Variants in ST3GAL1 observed in about 807,000 individuals in gnomAD.
ST3GAL1 encodes the protein CMP-N-acetylneuraminate-beta-galactosamide-alpha-2,3-sialyltransferase 1.
In ST3GAL1, 16 loss-of-function variants were observed where a neutral mutation model predicts 34.1. That is an observed-to-expected ratio of 0.47 (90% CI 0.32 to 0.71). ST3GAL1 has a LOEUF of 0.71. ST3GAL1 is among the 30% of genes least tolerant of loss of function. The pLI, the probability that ST3GAL1 is intolerant of heterozygous loss-of-function variation, is 0.04. For synonymous variants in ST3GAL1, 191 were observed against 184.7 expected (o/e 1.03, Z -0.28); for missense variants, 353 against 447.4 (o/e 0.79, Z 1.90).
intron 3 of ST3GAL1, among the ~76,000 whole-genome samples, chr8:133,497,582 C>T (rs1486940609): frequency 6.7e-6 from 1 of 149,402 alleles, no homozygotes; most frequent in Admixed American, 6.9e-5. Context: ...AAGCAATTCT[C>T]CTGCCTCAGC....
intron 2 of ST3GAL1, among the ~76,000 whole-genome samples, chr8:133,518,365 A>T (rs1253957442): frequency 6.6e-6 from 1 of 152,248 alleles, no homozygotes; most frequent in African/African-American, 2.4e-5. Context: ...CTGCAGCTGC[A>T]GCCTCCTGTA....
intron 3 of ST3GAL1, among the ~76,000 whole-genome samples, chr8:133,493,279 AG>A (rs1563712421): frequency 6.6e-6 from 1 of 152,232 alleles, no homozygotes; most frequent in Non-Finnish European, 1.5e-5. Flanking sequence ...CAGTGATAAG[AG>A]GTGGGCCTTG....
chr8:133,559,366 TG>T (rs898238673), intron 1 of ST3GAL1, among the ~76,000 whole-genome samples: 1 of 152,232 alleles, frequency 6.6e-6, no homozygotes, highest in African/African-American at 2.4e-5. Context: ...GACCTTAGGT[TG>T]GAACCAGTTC....
chr8:133,510,090 G>T (rs924189989), intron 2 of ST3GAL1, among the ~76,000 whole-genome samples: 3 of 149,712 alleles, frequency 2.0e-5, no homozygotes, highest in African/African-American at 7.4e-5. Context: ...TAGCAATGGA[G>T]AATGGCTCTT....
intron 3 of ST3GAL1, among the ~76,000 whole-genome samples, chr8:133,485,291 C>T (rs1247455883): frequency 6.6e-6 from 1 of 152,232 alleles, no homozygotes; most frequent in Non-Finnish European, 1.5e-5. Context: ...AAGAGCCTTC[C>T]TTCCTCTGGC....
At chr8:133,516,741 G>A (rs2978055) in intron 2 of ST3GAL1, among the ~76,000 whole-genome samples, 7,398 of 152,260 alleles carry the variant, frequency 0.049, 239 homozygotes, top group Middle Eastern at 0.082. Flanking sequence ...CTGCAAGCTG[G>A]AACTGCTTAC....
Position 133,545,883 on chromosome 8 carries a change from T to G in ST3GAL1, c.-538A>C, listed in dbSNP as rs759489647. On this transcript the variant is annotated 5_prime_UTR_variant, in exon 2 of 10. Transcript: ENST00000522652. ...CTTGGGGGTGTTAATTTCCTCTCAT[T>G]GACATTTCCAGTTTAGGAAGATGAA... 1 of 152,140 alleles carries G rather than the reference T, an allele frequency of 6.6e-6. No individual in the cohort carries two copies. Among genetic ancestry groups the G allele is most frequent in the Non-Finnish European group, 1.5e-5 (1 of 68,032 alleles). 9.4% of individuals were successfully genotyped at this position (152,140 alleles called of 1,614,324 possible). A position where few individuals can be genotyped will look rare whatever the true frequency, so the allele number is the denominator to read the frequency against.
intron 1 of ST3GAL1, among the ~76,000 whole-genome samples, chr8:133,560,198 G>T (rs1251530894): frequency 1.3e-5 from 2 of 151,836 alleles, no homozygotes; most frequent in Admixed American, 1.3e-4. Flanking sequence ...ACTCTACATT[G>T]CATGTATGAA....
chr8:133,478,623 T>G (rs1816267272), intron 3 of ST3GAL1, among the ~76,000 whole-genome samples: 1 of 152,232 alleles, frequency 6.6e-6, no homozygotes, highest in African/African-American at 2.4e-5. Context: ...CTGCTCAGGC[T>G]GTCCCCACTG....
At chr8:133,562,830 C>CTTCT in intron 1 of ST3GAL1, among the ~76,000 whole-genome samples, 1 of 106,052 alleles carries the variant, frequency 9.4e-6, no homozygotes, top group East Asian at 2.3e-4. Context: ...TCCTTCCTTC[C>CTTCT]TTCCTTCCTT....
At chr8:133,460,460 T>C (rs1168488327) in intron 9 of ST3GAL1, among the ~76,000 whole-genome samples, 2 of 152,168 alleles carry the variant, frequency 1.3e-5, no homozygotes, top group African/African-American at 2.4e-5. Context: ...GCAGGGCTGA[T>C]CCCTTTCTTC....
At chr8:133,516,711 C>G (rs1817658641) in intron 2 of ST3GAL1, among the ~76,000 whole-genome samples, 1 of 152,208 alleles carries the variant, frequency 6.6e-6, no homozygotes, top group East Asian at 1.9e-4. Flanking sequence ...AGTGGCCAGC[C>G]CAATGTCACA....
In ST3GAL1 at chr8:133,570,261, G is replaced by A. The variant is rs1563747730; in HGVS notation, c.-582+1432C>T. ...TTGCGGGGCTTGGGGACCCGCGAGG[G>A]GGAGAAGTCGGGAGAGGCCAGGGGT... On this transcript the variant is annotated intron_variant, in intron 1 of 9. Coordinates refer to ENST00000522652, the MANE Select transcript of ST3GAL1 (RefSeq NM_173344.3). This position sits in a 1 kb window ranked among gnomAD's most constrained non-coding sequence, Gnocchi z 5.6. 1.3e-5 allele frequency: 2 copies of A among 152,308 alleles called. No individual in the cohort carries two copies. The highest frequency in any genetic ancestry group is 4.8e-5 in the African/African-American group (2 of 41,486). 9.4% of individuals were successfully genotyped at this position (152,308 alleles called of 1,614,324 possible).
chr8:133,557,129 T>C (rs1216760299), intron 1 of ST3GAL1, among the ~76,000 whole-genome samples: 1 of 152,150 alleles, frequency 6.6e-6, no homozygotes, highest in Non-Finnish European at 1.5e-5. Flanking sequence ...AGACAGTGAA[T>C]GGGCCTAGAA....
intron 2 of ST3GAL1, among the ~76,000 whole-genome samples, chr8:133,525,613 G>T (rs1563727060): frequency 6.6e-6 from 1 of 152,050 alleles, no homozygotes; most frequent in African/African-American, 2.4e-5. Flanking sequence ...GGCTGTGCAT[G>T]CTGAGGGACG....
rs55752454 is a variant in ST3GAL1 at position 133,466,173 on chromosome 8, C to T, written c.307-83G>A. ...GCAGAGCCCCTGAGCTACCTGCTGTCGTTTACTGGGGCCCTCCTGTTCACC... is the reference window on the plus strand; with the variant it reads ...GCAGAGCCCCTGAGCTACCTGCTGTTGTTTACTGGGGCCCTCCTGTTCACC... On this transcript the variant is annotated intron_variant, in intron 5 of 9. Coordinates refer to ENST00000522652, the MANE Select transcript of ST3GAL1 (RefSeq NM_173344.3). The surrounding 1 kb of genome is among the most constrained non-coding windows in gnomAD (Gnocchi z 4.4). 9.3e-4 allele frequency: 1,324 copies of T among 1,425,846 alleles called. 15 individuals are homozygous for T. The African/African-American group carries it at 0.016, about 17-fold the overall frequency. 88.3% of individuals were successfully genotyped at this position (1,425,846 alleles called of 1,614,324 possible).
Position 133,475,308 on chromosome 8 carries a change from G to A in ST3GAL1, c.306+411C>T, listed in dbSNP as rs111453246. On this transcript the variant is annotated intron_variant, in intron 5 of 9. Transcript: ENST00000522652. ...GCTTCCCCCTCAGAGCCTCCAGGAG[G>A]AGCCAAGTCTGCCCATAATTTGTTT... Among the ~76,000 whole-genome samples the A allele has an allele frequency of 4.9e-3, 749 of 152,356 alleles. 11 individuals carry two copies. Among genetic ancestry groups the A allele is most frequent in the African/African-American group, 0.017 (712 of 41,588 alleles).
At chr8:133,529,606 G>T (rs1818085744) in intron 2 of ST3GAL1, among the ~76,000 whole-genome samples, 1 of 152,294 alleles carries the variant, frequency 6.6e-6, no homozygotes, top group Non-Finnish European at 1.5e-5. Flanking sequence ...AGCCTAGGAA[G>T]TCAGCAACAG....
At chr8:133,536,406 G>A (rs1364630832) in intron 2 of ST3GAL1, among the ~76,000 whole-genome samples, 2 of 152,184 alleles carry the variant, frequency 1.3e-5, no homozygotes, top group African/African-American at 4.8e-5. Flanking sequence ...ATAAAAATTA[G>A]TCTTTTGAGA....
Sources: gnomAD v4.1 joint callset for allele counts (sites outside exome capture counted in the v4.1 genomes callset) on GRCh38, gnomAD v4.1.1 for gene constraint, Gnocchi (gnomAD v3.1) non-coding constraint, MANE v1.5 for transcripts, NCBI Gene and HGNC (gene_info 2026-07-23, HGNC 2026-07-21) for gene names.